IQCE: variants seen among roughly 807,000 people sequenced by gnomAD.
IQCE encodes IQ domain-containing protein E.
IQCE carries 115 observed loss-of-function variants against 96.0 expected under a neutral mutation model. That is an observed-to-expected ratio of 1.20 (90% CI 1.03 to 1.40). The LOEUF (loss-of-function observed/expected upper bound fraction) is 1.40. Ranked by LOEUF, IQCE falls within the 40% of genes most tolerant of loss-of-function variation. IQCE has a pLI of 0.00. For synonymous variants in IQCE, 412 were observed against 371.2 expected (o/e 1.11, Z -1.26); for missense variants, 1,041 against 909.1 (o/e 1.15, Z -1.87).
chr7:2,607,689 T>G, intron 21 of IQCE: 2 of 356,818 alleles, frequency 5.6e-6, no homozygotes, highest in Non-Finnish European at 8.1e-6. Flanking sequence ...AGGCCCTGCC[T>G]TTCTCTGGCC....
intron 13 of IQCE, among the ~76,000 whole-genome samples, chr7:2,588,575 G>A (rs1382991165): frequency 6.1e-5 from 9 of 146,528 alleles, no homozygotes; most frequent in Admixed American, 2.1e-4. Context: ...GGATGGTCTC[G>A]ATCTCCTGAC....
chr7:2,583,210 C>T (rs562474943), intron 9 of IQCE, among the ~76,000 whole-genome samples: 1 of 152,226 alleles, frequency 6.6e-6, no homozygotes, highest in Non-Finnish European at 1.5e-5. Context: ...AGTCTACTCT[C>T]TTTTGAGACC....
At position 2,611,427 on chromosome 7, in the gene IQCE, A is replaced by G. The variant is rs1375956843; in HGVS notation, c.*1265A>G. The G allele has an allele frequency of 6.6e-6, 1 of 152,212 alleles. No individual in the cohort carries two copies. The highest frequency in any genetic ancestry group is 1.5e-5 in the Non-Finnish European group (1 of 68,056). 9.4% of individuals were successfully genotyped at this position (152,212 alleles called of 1,614,324 possible). A position where few individuals can be genotyped will look rare whatever the true frequency, so the allele number is the denominator to read the frequency against. ...CAATGGTTAGAAAGCCCCTTTTTACACAGCTGACAGCTTCTCCCAAGGCTT... is the reference window on the plus strand; with the variant it reads ...CAATGGTTAGAAAGCCCCTTTTTACGCAGCTGACAGCTTCTCCCAAGGCTT... On this transcript the variant is annotated 3_prime_UTR_variant, in exon 22 of 22. Transcript: ENST00000402050.
intron 16 of IQCE, among the ~76,000 whole-genome samples, chr7:2,597,565 T>G (rs1239352902): frequency 6.6e-6 from 1 of 152,248 alleles, no homozygotes; most frequent in Non-Finnish European, 1.5e-5. Context: ...AACAGCGTGC[T>G]CTCCACCGAG....
At chr7:2,606,799 C>T (rs1016827081) in intron 20 of IQCE, among the ~76,000 whole-genome samples, 46 of 152,160 alleles carry the variant, frequency 3.0e-4, no homozygotes, top group African/African-American at 1.0e-3. Context: ...GCAAGCATGT[C>T]CCCGGGGAAT....
intron 6 of IQCE, among the ~76,000 whole-genome samples, chr7:2,577,481 T>A (rs577750832): frequency 7.9e-6 from 1 of 126,344 alleles, no homozygotes; most frequent in Non-Finnish European, 1.6e-5. Context: ...GTGCGGCGTA[T>A]ACGCATTGGC....
At chr7:2,583,913 G>A (rs1350834321) in intron 10 of IQCE, among the ~76,000 whole-genome samples, 1 of 23,316 alleles carries the variant, frequency 4.3e-5, no homozygotes, top group Non-Finnish European at 9.0e-5. Context: ...GCGGCGGGGC[G>A]GGCACCGAGC....
Position 2,578,553 on chromosome 7 carries a change from C to T in IQCE, c.630+27C>T, listed in dbSNP as rs777661418. 4.3e-6 allele frequency: 7 copies of T among 1,613,028 alleles called. No homozygotes were observed. In the South Asian group the frequency reaches 4.4e-5, roughly 10 times the overall value. Reference sequence around the variant, plus strand: ...TGAGTATGGTGTGTGCAGGACAGAGCCTTTCCCCAGACGCTAGTTACTGGG... The same window carrying T: ...TGAGTATGGTGTGTGCAGGACAGAGTCTTTCCCCAGACGCTAGTTACTGGG... On this transcript the variant is annotated intron_variant, in intron 8 of 21. Coordinates refer to ENST00000402050, the MANE Select transcript of IQCE (RefSeq NM_152558.5).
At chr7:2,562,285 C>CATATATATATATATATAT (rs59044593) in intron 1 of IQCE, among the ~76,000 whole-genome samples, 57 of 146,302 alleles carry the variant, frequency 3.9e-4, no homozygotes, top group African/African-American at 1.1e-3. Context: ...AATTAGGGTA[C>CATATATATATATATATAT]ATATATATAT....
chr7:2,562,263 T>C (rs1453830905), intron 1 of IQCE, among the ~76,000 whole-genome samples: 1 of 150,630 alleles, frequency 6.6e-6, no homozygotes, highest in Non-Finnish European at 1.5e-5. Flanking sequence ...CACATAAATA[T>C]ATACCAGTAC....
intron 13 of IQCE, 102 bp downstream of exon 13, chr7:2,587,979 C>A: frequency 2.7e-6 from 3 of 1,113,466 alleles, no homozygotes; most frequent in Non-Finnish European, 4.1e-6. Context: ...ATGGCACTGG[C>A]TGTCTGCCAG....
chr7:2,581,366 C>G (rs143255686), intron 8 of IQCE, among the ~76,000 whole-genome samples: 1 of 151,634 alleles, frequency 6.6e-6, no homozygotes, highest in Non-Finnish European at 1.5e-5. Flanking sequence ...CCACCATGCC[C>G]GGCTACTTTT....
Position 2,598,645 on chromosome 7 carries a change from G to C in IQCE, c.1608+13G>C, listed in dbSNP as rs1482908583. 1 of 1,509,980 alleles carries C rather than the reference G, an allele frequency of 6.6e-7. No homozygotes were observed. Among genetic ancestry groups the C allele is most frequent in the Non-Finnish European group, 8.9e-7 (1 of 1,128,324 alleles). The allele number at this position is 1,509,980 out of a possible 1,614,324, so 93.5% of individuals were successfully genotyped here. On this transcript the variant is annotated intron_variant, in intron 17 of 21. Coordinates refer to ENST00000402050, the MANE Select transcript of IQCE (RefSeq NM_152558.5). The stretch of plus-strand genomic sequence containing the variant: ...GTACAAGCACAAGGTGAGGCTCCCC[G>C]GGGCGACCCGGGCTGCTCCCTGTGA...
chr7:2,583,733 C>T (rs755174593), intron 10 of IQCE, 24 bp downstream of exon 10: 10 of 1,204,762 alleles, frequency 8.3e-6, no homozygotes, highest in East Asian at 4.8e-5. Context: ...GGCGGCGGAG[C>T]GGAGGGCGGG....
Position 2,578,488 on chromosome 7 carries a change from G to A in IQCE, c.592G>A (p.Val198Ile). 1 of 1,614,214 alleles carries A rather than the reference G, an allele frequency of 6.2e-7. No homozygotes were observed. The highest frequency in any genetic ancestry group is 8.5e-7 in the Non-Finnish European group (1 of 1,180,030). The change falls in exon 8 of 22, where the codon GTT becomes ATT. Residue 198 changes from valine to isoleucine, a missense_variant. Val to Ile is a conservative substitution (Grantham distance 29). Transcript: ENST00000402050. ...LLDPSRGTDF[V>I]RTLAEKRPDA... ...CTGCTTACCACAGGGCACGGATTTT[G>A]TTCGGACTCTGGCAGAGAAAAGGCC...
intron 6 of IQCE, among the ~76,000 whole-genome samples, chr7:2,577,055 C>T (rs1003439120): frequency 6.6e-6 from 1 of 152,184 alleles, no homozygotes; most frequent in Admixed American, 6.5e-5. Flanking sequence ...TTCCACGTCC[C>T]CACCCACTAA....
intron 12 of IQCE, 68 bp from the exon 13 acceptor site, chr7:2,587,754 C>A: frequency 1.3e-6 from 2 of 1,484,480 alleles, no homozygotes; most frequent in Non-Finnish European, 9.4e-7. Flanking sequence ...CAGGCCATAC[C>A]TGAGAAGGGT....
intron 16 of IQCE, among the ~76,000 whole-genome samples, chr7:2,597,747 A>G (rs1027896528): frequency 7.2e-5 from 11 of 152,186 alleles, no homozygotes; most frequent in African/African-American, 2.7e-4. Flanking sequence ...GGCTCACTGC[A>G]GCTTTGACCC....
At chr7:2,589,765 G>T (rs1187657920) in intron 13 of IQCE, 142 bp from the exon 14 acceptor site, 7 of 711,608 alleles carry the variant, frequency 9.8e-6, no homozygotes, top group Middle Eastern at 4.0e-4. Context: ...CAGCTTCTCT[G>T]GGTAACTCGG....
Sources: allele counts gnomAD v4.1 joint callset (sites outside exome capture counted in the v4.1 genomes callset), GRCh38; gene constraint gnomAD v4.1.1; transcripts MANE v1.5; gene names NCBI Gene and HGNC (gene_info 2026-07-23, HGNC 2026-07-21).